Variants in DLC1 observed in about 807,000 individuals in gnomAD.
The protein encoded by DLC1 is DLC1 Rho GTPase activating protein.
A neutral mutation model predicts 140.3 loss-of-function variants in DLC1; 54 were observed. That is an observed-to-expected ratio of 0.38 (90% confidence interval 0.31 to 0.48). The LOEUF (loss-of-function observed/expected upper bound fraction) is 0.48. Among genes scored for constraint, DLC1 ranks in the 20% least tolerant of loss-of-function variants. DLC1 has a pLI of 0.96. For missense variants in DLC1, 2,536 were observed against 1,907.0 expected (o/e 1.33, Z -6.14); for synonymous variants, 986 against 728.1 (o/e 1.35, Z -5.70).
chr8:13,532,430 G>C (rs1187412083), intron 1 of DLC1, among the ~76,000 whole-genome samples: 1 of 152,240 alleles, frequency 6.6e-6, no homozygotes, highest in Non-Finnish European at 1.5e-5. Context: ...AGCAAATGTT[G>C]TTGTAAGCCT....
At chr8:13,424,158 C>T (rs1156882082) in intron 2 of DLC1, among the ~76,000 whole-genome samples, 2 of 151,968 alleles carry the variant, frequency 1.3e-5, no homozygotes, top group Admixed American at 6.6e-5. Context: ...TAAAGCAAAA[C>T]AAAATAACTC....
At chr8:13,090,529 C>T (rs1817968082) in intron 14 of DLC1, 59 bp from the exon 15 acceptor site, 1 of 1,582,256 alleles carries the variant, frequency 6.3e-7, no homozygotes, top group South Asian at 1.2e-5. Flanking sequence ...ATCTCAATGC[C>T]CATCAGTGGA....
chr8:13,142,473 A>G (rs1823076099), intron 5 of DLC1, among the ~76,000 whole-genome samples: 1 of 152,242 alleles, frequency 6.6e-6, no homozygotes, highest in Non-Finnish European at 1.5e-5. Flanking sequence ...TAAATTTCAT[A>G]ACCGAGTTCT....
chr8:13,357,524 C>G (rs1409563960), intron 4 of DLC1, among the ~76,000 whole-genome samples: 1 of 152,192 alleles, frequency 6.6e-6, no homozygotes, highest in Admixed American at 6.5e-5. Context: ...GAAGTTAAGC[C>G]TGGGGTAATT....
chr8:13,453,812 G>C (rs569986443), intron 2 of DLC1, among the ~76,000 whole-genome samples: 1 of 151,680 alleles, frequency 6.6e-6, no homozygotes, highest in Non-Finnish European at 1.5e-5. Flanking sequence ...TCTTCTTTAT[G>C]AGTTGCTACT....
At chr8:13,597,103 G>T (rs1481591) in intron 1 of DLC1, among the ~76,000 whole-genome samples, 146,940 of 152,048 alleles carry the variant, frequency 0.97, 71,177 homozygotes, top group Non-Finnish European at 1. Context: ...CTTGGACTTT[G>T]ACTGGCCATA....
At chr8:13,434,480 G>T (rs1262371018) in intron 2 of DLC1, among the ~76,000 whole-genome samples, 2 of 152,140 alleles carry the variant, frequency 1.3e-5, no homozygotes, top group Non-Finnish European at 2.9e-5. Context: ...ATGTGTGTGT[G>T]TGTGTGTGTT....
chr8:13,582,918 ATG>A (rs1554547816), intron 1 of DLC1, among the ~76,000 whole-genome samples: 82 of 127,990 alleles, frequency 6.4e-4, no homozygotes, highest in African/African-American at 2.4e-3. Context: ...ATATATATAT[ATG>A]TGGTGTAATA....
At chr8:13,504,082 T>A in intron 1 of DLC1, among the ~76,000 whole-genome samples, 1 of 152,010 alleles carries the variant, frequency 6.6e-6, no homozygotes, top group Non-Finnish European at 1.5e-5. Flanking sequence ...ACTCACTAGT[T>A]ACCTTGGAGG....
chr8:13,458,051 G>C (rs1393862390), intron 2 of DLC1, among the ~76,000 whole-genome samples: 1 of 152,140 alleles, frequency 6.6e-6, no homozygotes, highest in Non-Finnish European at 1.5e-5. Context: ...GAGAGTATGT[G>C]AAAATTAAAG....
Position 13,325,447 on chromosome 8 carries a change from TATACACACACACACAC to T in DLC1, c.1315-20161_1315-20146del, listed in dbSNP as rs755345854. 1.3e-4 allele frequency among the ~76,000 whole-genome samples: 20 copies of T among 148,662 alleles called. No individual in the cohort carries two copies. In the East Asian group the frequency reaches 1.8e-3, roughly 13 times the overall value. ...AACATGTTCTGGGACAATAGTTCTG[TATACACACACACACAC>T]ACACACACACACACACAGAAAATCT... On this transcript the variant is annotated intron_variant, in intron 4 of 17. Coordinates refer to ENST00000276297, the MANE Select transcript of DLC1 (RefSeq NM_182643.3).
In DLC1 at chr8:13,492,128, A is replaced by T. The variant is rs376925487; in HGVS notation, c.1023+6921T>A. On this transcript the variant is annotated intron_variant, in intron 2 of 17. Coordinates refer to ENST00000276297, the MANE Select transcript of DLC1 (RefSeq NM_182643.3). ...ACTAACTTGACTGAGAAAACTGGGG[A>T]AATTAAACACCCCCAAAAAGTAAAA... 5.9e-5 allele frequency among the ~76,000 whole-genome samples: 9 copies of T among 152,282 alleles called. No homozygotes were observed. In the South Asian group the frequency reaches 1.9e-3, roughly 32 times the overall value.
chr8:13,123,116 G>C (rs888192526), intron 5 of DLC1, among the ~76,000 whole-genome samples: 1 of 152,140 alleles, frequency 6.6e-6, no homozygotes. Flanking sequence ...ACTTAGAAAC[G>C]AACTGGTTTC....
intron 2 of DLC1, among the ~76,000 whole-genome samples, chr8:13,466,241 G>C (rs543397212): frequency 1.3e-5 from 2 of 152,280 alleles, no homozygotes; most frequent in East Asian, 3.9e-4. Context: ...TCTCTCTCTT[G>C]CTACCTACCT....
chr8:13,131,007 C>T (rs144688831), intron 5 of DLC1, among the ~76,000 whole-genome samples: 9 of 152,316 alleles, frequency 5.9e-5, no homozygotes, highest in African/African-American at 1.9e-4. Context: ...TACATGCAAT[C>T]GCCAACATTT....
At chr8:13,563,253 A>C (rs1026683429) in intron 1 of DLC1, among the ~76,000 whole-genome samples, 3 of 152,182 alleles carry the variant, frequency 2.0e-5, no homozygotes, top group Non-Finnish European at 4.4e-5. Flanking sequence ...GGCATTCTTG[A>C]GGCAGTCAGA....
chr8:13,473,482 A>G (rs1030946005), intron 2 of DLC1, among the ~76,000 whole-genome samples: 4 of 152,172 alleles, frequency 2.6e-5, no homozygotes, highest in Admixed American at 2.6e-4. Context: ...AATTGGTACC[A>G]GTAGAGCGGG....
chr8:13,211,706 T>C (rs982064085), intron 5 of DLC1, among the ~76,000 whole-genome samples: 1 of 152,228 alleles, frequency 6.6e-6, no homozygotes, highest in Non-Finnish European at 1.5e-5. Flanking sequence ...TACCAGGATT[T>C]GGTAGGTGAA....
intron 4 of DLC1, chr8:13,341,348 G>C (rs1008177837): frequency 6.6e-6 from 1 of 152,096 alleles, no homozygotes; most frequent in Admixed American, 6.5e-5. Context: ...CTTTGGGAAC[G>C]GACATGTGCT....
Sources: gnomAD v4.1 joint callset for allele counts (sites outside exome capture counted in the v4.1 genomes callset) on GRCh38, gnomAD v4.1.1 for gene constraint, MANE v1.5 for transcripts, NCBI Gene and HGNC (gene_info 2026-07-23, HGNC 2026-07-21) for gene names.